The following LRRC37A2 variants were observed in gnomAD, a reference collection of about 807,000 sequenced individuals.
The protein encoded by LRRC37A2 is leucine rich repeat containing 37 member A2.
In LRRC37A2, 9 loss-of-function variants were observed where a neutral mutation model predicts 68.8. That is an observed-to-expected ratio of 0.13 (90% CI 0.08 to 0.23). LRRC37A2 has a LOEUF of 0.23. LRRC37A2 is among the 10% of genes least tolerant of loss of function. The probability of loss-of-function intolerance (pLI) is 1.00; values close to 1 mark genes in which losing one functional copy is unlikely to be tolerated. For missense variants in LRRC37A2, 168 were observed against 950.4 expected, an observed-to-expected ratio of 0.18 and a Z score of 10.82; for synonymous variants, 63 against 367.6, an observed-to-expected ratio of 0.17 and a Z score of 9.48.
chr17:46,838,321 T>C, the LRRC37A2 span, among the ~76,000 whole-genome samples: 31 of 144,540 alleles, frequency 2.1e-4, no homozygotes, highest in African/African-American at 8.5e-4. Context: ...GGGGCCTGCC[T>C]TAAAAAAAAA....
chr17:46,794,772 A>T, the LRRC37A2 span, among the ~76,000 whole-genome samples: 1 of 129,606 alleles, frequency 7.7e-6, no homozygotes, highest in Admixed American at 8.2e-5. Context: ...TTTTTTTTTA[A>T]CAGATTCTTG....
chr17:46,723,427 G>A, the LRRC37A2 span, among the ~76,000 whole-genome samples: 333 of 152,308 alleles, frequency 2.2e-3, 3 homozygotes, highest in African/African-American at 7.8e-3. Context: ...GCAAAGAACC[G>A]CTGTAGAACT....
the LRRC37A2 span, chr17:46,756,543 G>A: frequency 6.6e-6 from 1 of 152,048 alleles, no homozygotes; most frequent in African/African-American, 2.4e-5. Context: ...CTTAGAAGAT[G>A]TTGTTAAAAA....
the LRRC37A2 span, among the ~76,000 whole-genome samples, chr17:46,946,894 G>A: frequency 7.2e-5 from 11 of 152,256 alleles, no homozygotes; most frequent in Admixed American, 5.2e-4. Flanking sequence ...ATGAGATGTC[G>A]CGGGGCAGCA....
At chr17:46,747,944 G>A in the LRRC37A2 span, among the ~76,000 whole-genome samples, 1 of 152,216 alleles carries the variant, frequency 6.6e-6, no homozygotes, top group East Asian at 1.9e-4. Flanking sequence ...ACCATCTTAG[G>A]ATATGTAGTT....
chr17:47,034,539 T>C, the LRRC37A2 span, among the ~76,000 whole-genome samples: 1 of 152,092 alleles, frequency 6.6e-6, no homozygotes, highest in Non-Finnish European at 1.5e-5. Context: ...GATAACAAAC[T>C]TTGCTAAGTT....
chr17:46,938,241 A>G, the LRRC37A2 span, among the ~76,000 whole-genome samples: 2 of 152,132 alleles, frequency 1.3e-5, no homozygotes, highest in Non-Finnish European at 2.9e-5. Flanking sequence ...GTTTAATTCT[A>G]TGAACCATCT....
At chr17:46,816,888 G>C in the LRRC37A2 span, among the ~76,000 whole-genome samples, 2 of 152,196 alleles carry the variant, frequency 1.3e-5, no homozygotes, top group Admixed American at 1.3e-4. Flanking sequence ...AGGAATGGCC[G>C]GGTGAGGCTG....
At chr17:46,969,377 G>T in the LRRC37A2 span, among the ~76,000 whole-genome samples, 1 of 152,190 alleles carries the variant, frequency 6.6e-6, no homozygotes, top group East Asian at 1.9e-4. Flanking sequence ...TGGGCCAGGT[G>T]GCAGAGTGGC....
the LRRC37A2 span, among the ~76,000 whole-genome samples, chr17:46,794,957 G>T: frequency 6.6e-6 from 1 of 151,872 alleles, no homozygotes; most frequent in Admixed American, 6.6e-5. Context: ...CACCATGTTG[G>T]CCAGGCTGGT....
the LRRC37A2 span, among the ~76,000 whole-genome samples, chr17:46,795,072 C>T: frequency 6.6e-6 from 1 of 152,072 alleles, no homozygotes; most frequent in Non-Finnish European, 1.5e-5. Context: ...ATTTCTGAGA[C>T]ACCTGGTGGG....
At chr17:46,742,325 A>T in the LRRC37A2 span, among the ~76,000 whole-genome samples, 1 of 152,248 alleles carries the variant, frequency 6.6e-6, no homozygotes, top group African/African-American at 2.4e-5. Context: ...TTCTAGGACC[A>T]GAAAGTAATA....
chr17:46,898,334 G>A, the LRRC37A2 span, among the ~76,000 whole-genome samples: 1 of 152,164 alleles, frequency 6.6e-6, no homozygotes, highest in Non-Finnish European at 1.5e-5. Context: ...TGAAATCTTA[G>A]CAGTATCAAC....
chr17:47,029,300 A>G, the LRRC37A2 span, among the ~76,000 whole-genome samples: 1 of 152,098 alleles, frequency 6.6e-6, no homozygotes, highest in East Asian at 1.9e-4. Context: ...ACTTTTGTAA[A>G]GAAAATATAT....
At chr17:47,013,519 C>G in the LRRC37A2 span, among the ~76,000 whole-genome samples, 72 of 152,304 alleles carry the variant, frequency 4.7e-4, no homozygotes, top group African/African-American at 1.7e-3. Context: ...ATAACCCTTT[C>G]CTGCTACAGC....
intron 11 of LRRC37A2, among the ~76,000 whole-genome samples, chr17:46,550,970 AC>A (rs1466957148): frequency 6.7e-6 from 1 of 149,564 alleles, no homozygotes; most frequent in Non-Finnish European, 1.5e-5. Flanking sequence ...TTAGATTTAC[AC>A]AGTATCGTCC....
chr17:46,900,190 TATATATATATATAC>T, the LRRC37A2 span, among the ~76,000 whole-genome samples: 70 of 99,394 alleles, frequency 7.0e-4, no homozygotes, highest in Middle Eastern at 5.0e-3. Flanking sequence ...TATATATATA[TATATATATATATAC>T]ACACACACAC....
the LRRC37A2 span, among the ~76,000 whole-genome samples, chr17:46,816,475 G>GCACGCGCA: frequency 6.9e-6 from 1 of 144,244 alleles, no homozygotes; most frequent in African/African-American, 2.6e-5. Flanking sequence ...CAGAACACAC[G>GCACGCGCA]CACACACACA....
At chr17:46,823,983 G>A in the LRRC37A2 span, among the ~76,000 whole-genome samples, 1 of 152,148 alleles carries the variant, frequency 6.6e-6, no homozygotes. Flanking sequence ...TTGAGGCAAG[G>A]AGTAAGCCTC....
Sources: gnomAD v4.1 joint callset for allele counts (sites outside exome capture counted in the v4.1 genomes callset) on GRCh38, gnomAD v4.1.1 for gene constraint, MANE v1.5 for transcripts, NCBI Gene and HGNC (gene_info 2026-07-23, HGNC 2026-07-21) for gene names.